Variants in DYNC1I1 observed in about 807,000 individuals in gnomAD.
The protein encoded by DYNC1I1 is cytoplasmic dynein 1 intermediate chain 1.
In DYNC1I1, 43 loss-of-function variants were observed where a neutral mutation model predicts 86.6. The ratio of observed to expected loss-of-function variants is 0.50; its 90% CI spans 0.39 to 0.64. DYNC1I1 has a LOEUF of 0.64. Among genes scored for constraint, DYNC1I1 ranks in the 30% least tolerant of loss-of-function variants. DYNC1I1 has a pLI of 0.00. For synonymous variants in DYNC1I1, 262 were observed against 283.7 expected (o/e 0.92, Z 0.77); for missense variants, 604 against 788.8 (o/e 0.77, Z 2.81).
At chr7:95,933,472 T>C (rs1228713873) in intron 6 of DYNC1I1, among the ~76,000 whole-genome samples, 1 of 152,240 alleles carries the variant, frequency 6.6e-6, no homozygotes, top group African/African-American at 2.4e-5. Flanking sequence ...TAACAATTTC[T>C]AGAATTGTAA....
At chr7:96,101,215 A>G (rs2116343960), downstream of DYNC1I1, among the ~76,000 whole-genome samples, 1 of 152,368 alleles carries the variant, frequency 6.6e-6, no homozygotes, top group African/African-American at 2.4e-5. Context: ...AGAACGTGGC[A>G]TTCCTAGTGG....
chr7:96,080,689 G>A (rs773588598), intron 16 of DYNC1I1, among the ~76,000 whole-genome samples: 3 of 152,148 alleles, frequency 2.0e-5, no homozygotes, highest in Non-Finnish European at 4.4e-5. Context: ...GAACACTTAA[G>A]TTAACAATCT....
At chr7:95,942,160 A>G (rs1792244325) in intron 6 of DYNC1I1, among the ~76,000 whole-genome samples, 1 of 152,202 alleles carries the variant, frequency 6.6e-6, no homozygotes, top group South Asian at 2.1e-4. Context: ...GAAGAATCAA[A>G]TACACGCAAT....
chr7:96,060,622 T>C (rs1789735891), intron 14 of DYNC1I1, among the ~76,000 whole-genome samples: 1 of 152,116 alleles, frequency 6.6e-6, no homozygotes, highest in Non-Finnish European at 1.5e-5. Flanking sequence ...TGATGTGAAC[T>C]ATGGAGTGTG....
At chr7:96,065,561 T>A (rs1404058426) in intron 14 of DYNC1I1, among the ~76,000 whole-genome samples, 1 of 152,032 alleles carries the variant, frequency 6.6e-6, no homozygotes, top group Non-Finnish European at 1.5e-5. Flanking sequence ...GGTTTGTTTG[T>A]TTGTTTTGTA....
chr7:96,034,048 C>T (rs1033532597), intron 12 of DYNC1I1, among the ~76,000 whole-genome samples: 6 of 152,002 alleles, frequency 3.9e-5, no homozygotes, highest in Admixed American at 3.9e-4. Context: ...TACACACACA[C>T]ATGCACACAC....
chr7:95,859,663 G>A (rs930004786), intron 5 of DYNC1I1, among the ~76,000 whole-genome samples: 1 of 152,206 alleles, frequency 6.6e-6, no homozygotes, highest in African/African-American at 2.4e-5. Context: ...GCCACTGAGA[G>A]CTGTCTGGAA....
intron 1 of DYNC1I1, among the ~76,000 whole-genome samples, chr7:95,798,371 C>T (rs1794496070): frequency 1.3e-5 from 2 of 151,816 alleles, no homozygotes; most frequent in African/African-American, 2.4e-5. Context: ...AGTGGGCTCA[C>T]GGTGGTCGTC....
chr7:96,088,623 G>C (rs1790751463), intron 16 of DYNC1I1, among the ~76,000 whole-genome samples: 1 of 152,138 alleles, frequency 6.6e-6, no homozygotes, highest in African/African-American at 2.4e-5. Flanking sequence ...TAAATGTGAA[G>C]TCTCTCCAAT....
At chr7:95,810,598 T>G (rs1368746731) in intron 3 of DYNC1I1, 92 bp downstream of exon 3, 6 of 1,021,218 alleles carry the variant, frequency 5.9e-6, no homozygotes, top group Admixed American at 3.6e-5. Context: ...AAGTCTTTAG[T>G]TTTTTTTAAT....
At chr7:95,790,659 A>G (rs1413318120) in intron 1 of DYNC1I1, among the ~76,000 whole-genome samples, 2 of 152,236 alleles carry the variant, frequency 1.3e-5, no homozygotes, top group Non-Finnish European at 2.9e-5. Context: ...AAAGTGGGTG[A>G]CTATGGCGAA....
chr7:96,062,937 G>T (rs1463152559), intron 14 of DYNC1I1, among the ~76,000 whole-genome samples: 1 of 151,920 alleles, frequency 6.6e-6, no homozygotes, highest in Non-Finnish European at 1.5e-5. Flanking sequence ...TTGTGTCCCT[G>T]GGGTGGTTTG....
intron 1 of DYNC1I1, among the ~76,000 whole-genome samples, chr7:95,774,633 A>G (rs1319135263): frequency 6.6e-6 from 1 of 152,152 alleles, no homozygotes; most frequent in African/African-American, 2.4e-5. Flanking sequence ...CATGTTTTAT[A>G]TCTCAGAGAA....
chr7:95,835,788 T>G (rs1479663910), intron 5 of DYNC1I1, among the ~76,000 whole-genome samples: 38 of 152,038 alleles, frequency 2.5e-4, no homozygotes, highest in Admixed American at 9.8e-4. Context: ...GAGACTAGGA[T>G]TGCAACCCCT....
At chr7:96,110,135 G>A (rs549972685), downstream of DYNC1I1, 11 of 424,644 alleles carry the variant, frequency 2.6e-5, no homozygotes, top group Non-Finnish European at 5.1e-5. Context: ...CCAAAATCTG[G>A]AAGTATAATT....
At chr7:95,883,631 G>A (rs1790514534) in intron 6 of DYNC1I1, among the ~76,000 whole-genome samples, 1 of 152,192 alleles carries the variant, frequency 6.6e-6, no homozygotes, top group African/African-American at 2.4e-5. Context: ...GTTTGTTGAA[G>A]CTGTGAGAGA....
At chr7:95,918,180 CT>C (rs148452755) in intron 6 of DYNC1I1, among the ~76,000 whole-genome samples, 7 of 152,324 alleles carry the variant, frequency 4.6e-5, no homozygotes, top group African/African-American at 1.7e-4. Context: ...AAACCTTACT[CT>C]TCTGTTGCAC....
chr7:96,052,963 T>G (rs2299282), intron 14 of DYNC1I1, among the ~76,000 whole-genome samples: 24,875 of 152,166 alleles, frequency 0.16, 2,212 homozygotes, highest in South Asian at 0.28. Flanking sequence ...TGTAATGTCC[T>G]ACCTCTGATG....
intron 1 of DYNC1I1, among the ~76,000 whole-genome samples, chr7:95,783,265 C>T (rs369311051): frequency 2.6e-5 from 4 of 152,112 alleles, no homozygotes; most frequent in South Asian, 2.1e-4. Context: ...GAAAACTGAG[C>T]TTACAAATAT....
Sources: gnomAD v4.1 joint callset for allele counts (sites outside exome capture counted in the v4.1 genomes callset) on GRCh38, gnomAD v4.1.1 for gene constraint, MANE v1.5 for transcripts, NCBI Gene and HGNC (gene_info 2026-07-23, HGNC 2026-07-21) for gene names.